UROS: variants seen among roughly 807,000 people sequenced by gnomAD.
UROS encodes the protein uroporphyrinogen III synthase.
In UROS, 18 loss-of-function variants were observed where a neutral mutation model predicts 33.0. The observed-to-expected ratio is 0.55, with a 90% confidence interval of 0.38 to 0.81. UROS has a LOEUF of 0.81. UROS is among the 30% of genes least tolerant of loss of function. The probability of loss-of-function intolerance (pLI) is 0.00; values close to 1 mark genes in which losing one functional copy is unlikely to be tolerated. For missense variants in UROS, 293 were observed against 314.9 expected (o/e 0.93, Z 0.53); for synonymous variants, 114 against 121.1 (o/e 0.94, Z 0.38).
intron 5 of UROS, among the ~76,000 whole-genome samples, chr10:125,810,881 A>C (rs564845340): frequency 1.3e-5 from 2 of 152,370 alleles, no homozygotes; most frequent in South Asian, 4.1e-4. Context: ...CATTTTTAAA[A>C]GTTACAACAC....
intron 1 of UROS, among the ~76,000 whole-genome samples, chr10:125,822,555 T>C (rs1417394212): frequency 6.6e-6 from 1 of 152,124 alleles, no homozygotes; most frequent in Non-Finnish European, 1.5e-5. Context: ...ACTCCTGACC[T>C]CAAGTGATCC....
downstream of UROS, among the ~76,000 whole-genome samples, chr10:125,787,962 C>A (rs369787508): frequency 2.2e-4 from 34 of 152,298 alleles, no homozygotes; most frequent in East Asian, 2.1e-3. Flanking sequence ...CCTGACAAAT[C>A]ATTTCACCTC....
In UROS at chr10:125,788,922, T is replaced by C. The variant is rs754396432; in HGVS notation, c.744A>G (p.Pro248=). ...PVSCTAESPT[P]QALATGIRKA... ...TCCTGATGCCAGTGGCCAGGGCTTG[T>C]GGCGTGGGGCTCTCTGCAGTGCAGC... Residue 248 remains proline (P), a synonymous_variant, in exon 10 of 10, where the codon CCA becomes CCG. Transcript: ENST00000368797. 5.6e-6 allele frequency: 9 copies of C among 1,608,562 alleles called. No individual in the cohort carries two copies. Among genetic ancestry groups the C allele is most frequent in the Non-Finnish European group, 7.6e-6 (9 of 1,178,766 alleles).
chr10:125,796,252 T>G (rs551128489), intron 7 of UROS, 64 bp from the exon 8 acceptor site: 41 of 1,505,942 alleles, frequency 2.7e-5, no homozygotes, highest in Non-Finnish European at 3.6e-5. Context: ...CCTCCACCAC[T>G]TCACAGCACA....
chr10:125,811,251 T>C (rs937834553), intron 5 of UROS, among the ~76,000 whole-genome samples: 2 of 152,252 alleles, frequency 1.3e-5, no homozygotes, highest in Admixed American at 6.5e-5. Context: ...AAATATACTG[T>C]ATATTTGATA....
At chr10:125,812,140 T>G (rs1313820346) in intron 5 of UROS, 74 bp downstream of exon 5, 2 of 1,405,064 alleles carry the variant, frequency 1.4e-6, no homozygotes, top group Non-Finnish European at 2.0e-6. Context: ...ATTTTTAAAC[T>G]GAGTTAAACT....
intron 1 of UROS, among the ~76,000 whole-genome samples, 194 bp downstream of exon 1, chr10:125,822,835 C>T (rs1854109060): frequency 6.6e-6 from 1 of 152,192 alleles, no homozygotes; most frequent in Admixed American, 6.5e-5. Context: ...AGAAGCTCGG[C>T]GAGGGTAGGC....
At chr10:125,807,290 C>T (rs1462793320) in intron 6 of UROS, 123 bp downstream of exon 6, 25 of 858,184 alleles carry the variant, frequency 2.9e-5, no homozygotes, top group Non-Finnish European at 4.4e-5. Flanking sequence ...GTGGGTTATA[C>T]GATGCTCACC....
At chr10:125,819,801 G>T (rs968292861) in intron 1 of UROS, 8 of 152,412 alleles carry the variant, frequency 5.2e-5, no homozygotes, top group African/African-American at 1.9e-4. Context: ...CATTGAGGGG[G>T]AAAAAGGCGG....
At chr10:125,800,549 T>TTTTC (rs1307544437) in intron 6 of UROS, among the ~76,000 whole-genome samples, 8 of 147,544 alleles carry the variant, frequency 5.4e-5, no homozygotes, top group Non-Finnish European at 7.5e-5. Flanking sequence ...TGTTGAGAGC[T>TTTTC]TTTCTTTCTT....
chr10:125,787,165 G>A (rs1850655870), downstream of UROS, among the ~76,000 whole-genome samples: 1 of 152,226 alleles, frequency 6.6e-6, no homozygotes, highest in African/African-American at 2.4e-5. Flanking sequence ...AAGGACACAC[G>A]TGTGGTGTTT....
chr10:125,808,874 C>T (rs1852562720), intron 5 of UROS, among the ~76,000 whole-genome samples: 1 of 152,222 alleles, frequency 6.6e-6, no homozygotes, highest in Non-Finnish European at 1.5e-5. Context: ...GGTCTCAGTC[C>T]CTGCATGTGG....
chr10:125,799,861 T>C (rs1180440828), intron 6 of UROS, among the ~76,000 whole-genome samples: 2 of 152,166 alleles, frequency 1.3e-5, no homozygotes, highest in Non-Finnish European at 2.9e-5. Flanking sequence ...ACTAGCCCAC[T>C]TCAAAAAGCC....
intron 1 of UROS, among the ~76,000 whole-genome samples, 174 bp downstream of exon 1, chr10:125,822,855 G>A (rs1184048568): frequency 1.3e-5 from 2 of 152,218 alleles, no homozygotes; most frequent in African/African-American, 4.8e-5. Flanking sequence ...CTGGGCAGGC[G>A]CCTTCCGTCA....
intron 7 of UROS, among the ~76,000 whole-genome samples, chr10:125,796,605 C>T (rs1851388961): frequency 6.6e-6 from 1 of 152,210 alleles, no homozygotes; most frequent in Admixed American, 6.5e-5. Flanking sequence ...AGATCCCCGG[C>T]TGCACTCCAG....
rs1428251735 is a variant in UROS, at chr10:125,788,818, A to G, written c.*50T>C. On this transcript the variant is annotated 3_prime_UTR_variant, in exon 10 of 10. Transcript: ENST00000368797. ...CTTGCCGATGCCTGGCTCCATCCAG[A>G]GCCAGCCCAGCCCAGGGAGGCTGCA... The G allele has an allele frequency of 1.9e-6, 3 of 1,543,456 alleles. No individual in the cohort carries two copies. The highest frequency in any genetic ancestry group is 2.6e-6 in the Non-Finnish European group (3 of 1,143,360).
intron 1 of UROS, among the ~76,000 whole-genome samples, chr10:125,818,416 C>T (rs1853548970): frequency 6.6e-6 from 1 of 151,986 alleles, no homozygotes; most frequent in Admixed American, 6.5e-5. Flanking sequence ...TCACTTGAGC[C>T]CAGGAGTTCA....
chr10:125,816,622 TG>T, intron 1 of UROS, 97 bp from the exon 2 acceptor site: 2 of 1,241,064 alleles, frequency 1.6e-6, no homozygotes, highest in Non-Finnish European at 2.3e-6. Context: ...GGCAATCAAA[TG>T]CTTGTGGAAG....
chr10:125,796,678 C>T (rs1726483890), intron 7 of UROS: 1 of 694,422 alleles, frequency 1.4e-6, no homozygotes, highest in Non-Finnish European at 1.8e-6. Flanking sequence ...TGTACAAGAA[C>T]TGATTAAGCC....
Sources: allele counts gnomAD v4.1 joint callset (sites outside exome capture counted in the v4.1 genomes callset), GRCh38; gene constraint gnomAD v4.1.1; transcripts MANE v1.5; gene names NCBI Gene and HGNC (gene_info 2026-07-23, HGNC 2026-07-21).